The following AKAP19 variants were observed in gnomAD, a reference collection of about 807,000 sequenced individuals.
AKAP19 encodes small A-kinase anchoring protein.
the AKAP19 span, chr2:190,180,583 C>T: frequency 2.0e-6 from 2 of 985,702 alleles, no homozygotes; most frequent in South Asian, 4.7e-5. This position sits in a 1 kb window ranked among gnomAD's most constrained non-coding sequence, Gnocchi z 6.8. Context: ...TTGCGGGGGG[C>T]GTGAGGGCGG....
the AKAP19 span, among the ~76,000 whole-genome samples, chr2:190,023,785 A>ATG: frequency 0.14 from 16,192 of 113,074 alleles, 909 homozygotes; most frequent in Middle Eastern, 0.22. Context: ...TCTGTAGGTA[A>ATG]TGTGTGTGTG....
At chr2:190,010,982 C>T in the AKAP19 span, among the ~76,000 whole-genome samples, 3 of 151,084 alleles carry the variant, frequency 2.0e-5, no homozygotes, top group Non-Finnish European at 4.4e-5. Context: ...TTGATATTAA[C>T]CCCTTCCCAG....
chr2:190,048,839 C>A, the AKAP19 span, among the ~76,000 whole-genome samples: 2 of 152,124 alleles, frequency 1.3e-5, no homozygotes, highest in Non-Finnish European at 2.9e-5. Context: ...ATGGTAACAA[C>A]TAAATAATCA....
chr2:190,075,414 A>G, the AKAP19 span, among the ~76,000 whole-genome samples: 1 of 152,148 alleles, frequency 6.6e-6, no homozygotes, highest in African/African-American at 2.4e-5. Context: ...TTTAAGTTCT[A>G]TATAGCCTTT....
chr2:190,016,497 G>A, the AKAP19 span, among the ~76,000 whole-genome samples: 1 of 152,166 alleles, frequency 6.6e-6, no homozygotes, highest in African/African-American at 2.4e-5. Context: ...TGGGGATTAC[G>A]GGGATTACAA....
chr2:189,883,507 GTTT>G, the AKAP19 span, among the ~76,000 whole-genome samples: 235 of 123,762 alleles, frequency 1.9e-3, no homozygotes, highest in African/African-American at 6.2e-3. Flanking sequence ...GTTTCTTCCT[GTTT>G]TTTTTTTTTT....
At chr2:189,979,283 C>A in the AKAP19 span, among the ~76,000 whole-genome samples, 1 of 152,190 alleles carries the variant, frequency 6.6e-6, no homozygotes, top group African/African-American at 2.4e-5. Flanking sequence ...CCCACACCTA[C>A]AACCAACTGA....
At chr2:190,016,749 T>C in the AKAP19 span, among the ~76,000 whole-genome samples, 1 of 152,216 alleles carries the variant, frequency 6.6e-6, no homozygotes, top group South Asian at 2.1e-4. Context: ...TTAAGAATAA[T>C]GTATATTTCA....
At chr2:190,125,257 G>A in the AKAP19 span, among the ~76,000 whole-genome samples, 2 of 152,258 alleles carry the variant, frequency 1.3e-5, no homozygotes, top group South Asian at 4.1e-4. Flanking sequence ...TAGGTGATAG[G>A]AATGTTTCAG....
the AKAP19 span, among the ~76,000 whole-genome samples, chr2:190,109,559 C>T: frequency 6.6e-6 from 1 of 151,976 alleles, no homozygotes; most frequent in Non-Finnish European, 1.5e-5. Context: ...GAGGGGGACT[C>T]TTGCCGATTT....
At chr2:190,060,152 A>G in the AKAP19 span, 1 of 1,612,882 alleles carries the variant, frequency 6.2e-7, no homozygotes, top group Non-Finnish European at 8.5e-7. Context: ...AGTTGGATTC[A>G]GGTTGTTTGA....
At chr2:189,886,853 AG>A in the AKAP19 span, among the ~76,000 whole-genome samples, 1 of 152,204 alleles carries the variant, frequency 6.6e-6, no homozygotes, top group Non-Finnish European at 1.5e-5. Flanking sequence ...GCAAGGTGTG[AG>A]GGAGAAACTC....
the AKAP19 span, among the ~76,000 whole-genome samples, chr2:190,176,538 C>T: frequency 1.3e-5 from 2 of 152,064 alleles, no homozygotes; most frequent in Non-Finnish European, 2.9e-5. This position sits in a 1 kb window ranked among gnomAD's most constrained non-coding sequence, Gnocchi z 4.7. Context: ...TTAGTAGAGA[C>T]GGAGTTTCAG....
the AKAP19 span, among the ~76,000 whole-genome samples, chr2:189,921,150 T>G: frequency 6.6e-6 from 1 of 152,232 alleles, no homozygotes; most frequent in African/African-American, 2.4e-5. Flanking sequence ...TTATATTTAC[T>G]ATTTTGTGTG....
the AKAP19 span, among the ~76,000 whole-genome samples, chr2:189,935,207 G>T: frequency 7.9e-5 from 12 of 152,072 alleles, no homozygotes; most frequent in Non-Finnish European, 1.8e-4. Context: ...GCATATTGTT[G>T]CTTGTTATAA....
the AKAP19 span, among the ~76,000 whole-genome samples, chr2:190,123,273 A>G: frequency 2.0e-5 from 3 of 151,896 alleles, no homozygotes; most frequent in Admixed American, 2.0e-4. Flanking sequence ...CTTGATTTTT[A>G]TTGTCAAATC....
At chr2:190,180,981 C>T in the AKAP19 span, 18 of 985,596 alleles carry the variant, frequency 1.8e-5, no homozygotes, top group East Asian at 1.8e-3. The surrounding 1 kb of genome is among the most constrained non-coding windows in gnomAD (Gnocchi z 6.8). Flanking sequence ...CGCCAGCAAG[C>T]CCCCCTCCCA....
the AKAP19 span, among the ~76,000 whole-genome samples, chr2:190,048,184 A>G: frequency 1.3e-5 from 2 of 152,214 alleles, no homozygotes; most frequent in African/African-American, 4.8e-5. Context: ...TATGAAAATT[A>G]TGTTTTAGAT....
the AKAP19 span, among the ~76,000 whole-genome samples, chr2:189,884,190 G>T: frequency 6.6e-6 from 1 of 151,956 alleles, no homozygotes; most frequent in Admixed American, 6.6e-5. Flanking sequence ...ATATTTATGG[G>T]GAAAAATGGT....
Sources: allele counts gnomAD v4.1 joint callset (sites outside exome capture counted in the v4.1 genomes callset), GRCh38; gene constraint gnomAD v4.1.1; non-coding constraint Gnocchi (gnomAD v3.1); transcripts MANE v1.5; gene names NCBI Gene and HGNC (gene_info 2026-07-23, HGNC 2026-07-21).